Variants in FOXK1 observed in about 807,000 individuals in gnomAD.
FOXK1 encodes forkhead box protein K1.
Under a neutral mutation model 51.9 loss-of-function variants are expected in FOXK1, and 19 were observed. The ratio of observed to expected loss-of-function variants is 0.37; its 90% confidence interval spans 0.26 to 0.54. The LOEUF (loss-of-function observed/expected upper bound fraction) is 0.54, where lower values mean the gene tolerates loss of function less well. Ranked by LOEUF, FOXK1 falls within the 20% of genes least tolerant of loss-of-function variation. FOXK1 has a pLI of 0.87. For synonymous variants in FOXK1, 537 were observed against 482.6 expected (o/e 1.11, Z -1.48); for missense variants, 870 against 1,032.7 (o/e 0.84, Z 2.16).
At chr7:4,721,744 C>T (rs938544793) in intron 1 of FOXK1, among the ~76,000 whole-genome samples, 2 of 151,888 alleles carry the variant, frequency 1.3e-5, no homozygotes, top group Non-Finnish European at 2.9e-5. Context: ...GCGTGAGACA[C>T]CACGCCCAGC....
intron 1 of FOXK1, among the ~76,000 whole-genome samples, chr7:4,720,907 CG>C (rs1041947219): frequency 6.6e-6 from 1 of 150,556 alleles, no homozygotes; most frequent in Admixed American, 6.7e-5. Context: ...TTAGTATAGA[CG>C]GGGATCCATA....
intron 1 of FOXK1, among the ~76,000 whole-genome samples, chr7:4,688,596 C>G (rs534974521): frequency 9.9e-5 from 15 of 152,178 alleles, no homozygotes; most frequent in African/African-American, 2.6e-4. Flanking sequence ...CCATGTTGGC[C>G]AGGCTGGTCT....
chr7:4,725,091 C>T (rs1034560317), intron 1 of FOXK1, among the ~76,000 whole-genome samples: 1 of 152,384 alleles, frequency 6.6e-6, no homozygotes, highest in South Asian at 2.1e-4. Flanking sequence ...CCACCCACAG[C>T]GTCCTCCGCG....
At chr7:4,704,450 C>CAAAAAAAAAAA (rs3050383) in intron 1 of FOXK1, among the ~76,000 whole-genome samples, 2 of 66,298 alleles carry the variant, frequency 3.0e-5, no homozygotes, top group Non-Finnish European at 3.1e-5. Context: ...GACTCTGTCT[C>CAAAAAAAAAAA]AAAAAAAAAA....
At chr7:4,717,822 A>C (rs1165506940) in intron 1 of FOXK1, among the ~76,000 whole-genome samples, 1 of 152,134 alleles carries the variant, frequency 6.6e-6, no homozygotes, top group Non-Finnish European at 1.5e-5. Context: ...ACACTAGTCC[A>C]TGCTCCAGGT....
At chr7:4,760,493 C>A (rs1039544204) in intron 7 of FOXK1, among the ~76,000 whole-genome samples, 2 of 152,214 alleles carry the variant, frequency 1.3e-5, no homozygotes, top group Admixed American at 6.5e-5. Flanking sequence ...AGGATCATTT[C>A]ATTCCAAGTA....
At chr7:4,740,256 C>A (rs1362621913) in intron 1 of FOXK1, among the ~76,000 whole-genome samples, 1 of 152,118 alleles carries the variant, frequency 6.6e-6, no homozygotes, top group Non-Finnish European at 1.5e-5. Context: ...CAGTGAAACC[C>A]CGTCTCTACT....
intron 1 of FOXK1, among the ~76,000 whole-genome samples, chr7:4,688,153 T>G (rs369887513): frequency 9.4e-4 from 143 of 152,018 alleles, no homozygotes; most frequent in African/African-American, 3.3e-3. Context: ...TTGTTTTATC[T>G]TCACCCCCAT....
rs1781045153 is a variant in FOXK1, at chr7:4,768,259, A to T, written c.*5795A>T. On this transcript the variant is annotated 3_prime_UTR_variant, in exon 9 of 9. Coordinates refer to ENST00000328914, the MANE Select transcript of FOXK1 (RefSeq NM_001037165.2). The stretch of plus-strand genomic sequence containing the variant: ...GCCATTCTCCTGCCTCAGCCTCCCG[A>T]GTAGCTGGGACTACAGGCGCCCGCT... The T allele has an allele frequency of 7.0e-6, 1 of 143,342 alleles. No homozygotes were observed. The highest frequency in any genetic ancestry group is 2.2e-4 in the South Asian group (1 of 4,642). 8.9% of individuals were successfully genotyped at this position (143,342 alleles called of 1,614,324 possible). A position where few individuals can be genotyped will look rare whatever the true frequency, so the allele number is the denominator to read the frequency against.
intron 1 of FOXK1, among the ~76,000 whole-genome samples, chr7:4,693,144 T>C (rs2115030630): frequency 6.6e-6 from 1 of 152,358 alleles, no homozygotes; most frequent in South Asian, 2.1e-4. Flanking sequence ...CATCATACAT[T>C]GGCCATTGGC....
At chr7:4,686,615 T>C (rs1270030332) in intron 1 of FOXK1, among the ~76,000 whole-genome samples, 1 of 152,102 alleles carries the variant, frequency 6.6e-6, no homozygotes, top group Admixed American at 6.6e-5. Flanking sequence ...TAGCGTTTCT[T>C]CTAGACCATA....
rs1442711140 is a variant in FOXK1, at chr7:4,732,236, ATTAT to A, written c.561-8601_561-8598del. 2.0e-3 allele frequency among the ~76,000 whole-genome samples: 312 copies of A among 152,336 alleles called. 4 individuals are homozygous for A. The highest frequency in any genetic ancestry group is 6.8e-3 in the Middle Eastern group (2 of 294). On this transcript the variant is annotated intron_variant, in intron 1 of 8. Transcript: ENST00000328914. Reference sequence around the variant, plus strand: ...ATTTGTTCAGTCCACAAGAACTCTGATTATGCACCATCATTACCCCAGTTTGGCT... The same window carrying A: ...ATTTGTTCAGTCCACAAGAACTCTGAGCACCATCATTACCCCAGTTTGGCT...
intron 1 of FOXK1, among the ~76,000 whole-genome samples, chr7:4,701,989 C>A (rs1218893061): frequency 6.6e-6 from 1 of 152,138 alleles, no homozygotes; most frequent in Non-Finnish European, 1.5e-5. Context: ...GTGAGAAGAT[C>A]GCCTGAGCCT....
Position 4,755,290 on chromosome 7 carries a change from C to T in FOXK1, c.957C>T (p.Ser319=), listed in dbSNP as rs779361156. Residue 319 remains serine (S), a synonymous_variant, in exon 4 of 9, where the codon TCC becomes TCT. Coordinates refer to ENST00000328914, the MANE Select transcript of FOXK1 (RefSeq NM_001037165.2). This position sits in a 1 kb window ranked among gnomAD's most constrained non-coding sequence, Gnocchi z 6.6. The part of the protein sequence containing the change: ...SYAQLIVQAI[S]SAQDRQLTLS... ...CGCAGCTGATCGTGCAGGCCATCTC[C>T]TCCGCCCAGGACCGGCAGCTGACCC... 3.7e-6 allele frequency: 6 copies of T among 1,614,062 alleles called. No homozygotes were observed. The highest frequency in any genetic ancestry group is 4.2e-6 in the Non-Finnish European group (5 of 1,180,036).
intron 1 of FOXK1, among the ~76,000 whole-genome samples, chr7:4,688,002 G>A (rs1350665461): frequency 2.6e-5 from 4 of 152,130 alleles, no homozygotes; most frequent in Non-Finnish European, 4.4e-5. Context: ...AAAGTGTTGG[G>A]ATTACAGGCA....
At chr7:4,712,280 C>T (rs563439823) in intron 1 of FOXK1, among the ~76,000 whole-genome samples, 17 of 152,142 alleles carry the variant, frequency 1.1e-4, no homozygotes, top group South Asian at 4.2e-4. Flanking sequence ...TACTCCGGCA[C>T]TTGGTTCCTG....
intron 1 of FOXK1, among the ~76,000 whole-genome samples, chr7:4,713,869 A>G (rs937191543): frequency 6.6e-6 from 1 of 151,618 alleles, no homozygotes; most frequent in Admixed American, 6.6e-5. Flanking sequence ...CTTGTTGCCC[A>G]GGCTGGAGTG....
At chr7:4,718,218 T>C (rs530350607) in intron 1 of FOXK1, among the ~76,000 whole-genome samples, 1 of 152,246 alleles carries the variant, frequency 6.6e-6, no homozygotes, top group South Asian at 2.1e-4. Flanking sequence ...ATCGGTGCGC[T>C]GTGTGTGGTT....
chr7:4,738,130 G>GA lies in FOXK1; in HGVS notation c.561-2693dup, dbSNP rs573837324. Among the ~76,000 whole-genome samples, 878 of 91,310 alleles carry GA rather than the reference G, an allele frequency of 9.6e-3. 3 individuals are homozygous for GA. The highest frequency in any genetic ancestry group is 0.033 in the East Asian group (103 of 3,120). The allele number at this position is 91,310 out of a possible 152,430, so 59.9% of individuals were successfully genotyped here. On this transcript the variant is annotated intron_variant, in intron 1 of 8. Coordinates refer to ENST00000328914, the MANE Select transcript of FOXK1 (RefSeq NM_001037165.2). ...AGAGCCAAACTCTGCCTCAAAAAGA[G>GA]AAAAAAAAAAAAAAAGGGTGATGTG...
Sources: gnomAD v4.1 joint callset for allele counts (sites outside exome capture counted in the v4.1 genomes callset) on GRCh38, gnomAD v4.1.1 for gene constraint, Gnocchi (gnomAD v3.1) non-coding constraint, MANE v1.5 for transcripts, NCBI Gene and HGNC (gene_info 2026-07-23, HGNC 2026-07-21) for gene names.